AJAP1: variants seen among roughly 807,000 people sequenced by gnomAD.
The protein encoded by AJAP1 is adherens junctions associated protein 1.
A neutral mutation model predicts 35.0 loss-of-function variants in AJAP1; 5 were observed. The ratio of observed to expected loss-of-function variants is 0.14; its 90% CI spans 0.07 to 0.30. The LOEUF is 0.30. Ranked by LOEUF, AJAP1 falls within the 10% of genes least tolerant of loss-of-function variation. The pLI is 1.00. For missense variants in AJAP1, 586 were observed against 571.0 expected, an observed-to-expected ratio of 1.03 and a Z score of -0.27; for synonymous variants, 284 against 249.3, an observed-to-expected ratio of 1.14 and a Z score of -1.31.
chr1:4,756,363 T>C (rs1185742467), intron 2 of AJAP1, among the ~76,000 whole-genome samples: 4 of 152,190 alleles, frequency 2.6e-5, no homozygotes, highest in Non-Finnish European at 4.4e-5. Flanking sequence ...TCAGGGTGCC[T>C]GGGCCAGGTG....
At chr1:4,687,232 G>A (rs1399858482) in intron 1 of AJAP1, among the ~76,000 whole-genome samples, 1 of 152,210 alleles carries the variant, frequency 6.6e-6, no homozygotes, top group Non-Finnish European at 1.5e-5. Flanking sequence ...CCTCTCGAAA[G>A]CCACCATGGG....
rs1281325194 is a variant in AJAP1, at chr1:4,785,033, CG to C, written c.*2554del. The C allele has an allele frequency of 2.0e-5, 3 of 152,260 alleles. No homozygotes were observed. Among genetic ancestry groups the C allele is most frequent in the Non-Finnish European group, 2.9e-5 (2 of 68,120 alleles). 9.4% of individuals were successfully genotyped at this position (152,260 alleles called of 1,614,324 possible). A position where few individuals can be genotyped will look rare whatever the true frequency, so the allele number is the denominator to read the frequency against. On this transcript the variant is annotated 3_prime_UTR_variant, in exon 6 of 6. Transcript: ENST00000378191. Reference sequence around the variant, plus strand: ...GCCCAACTAAGGAGGAGGTGACGGCCGGGGGGCCCTGTTGGTTCGCTGATCA... The same window carrying C: ...GCCCAACTAAGGAGGAGGTGACGGCCGGGGGCCCTGTTGGTTCGCTGATCA...
chr1:4,766,659 C>A (rs146490384), intron 2 of AJAP1, among the ~76,000 whole-genome samples: 1 of 152,136 alleles, frequency 6.6e-6, no homozygotes, highest in South Asian at 2.1e-4. Flanking sequence ...TTGAAGCACA[C>A]GGCTGTTTAC....
At position 4,655,393 on chromosome 1, in the gene AJAP1, C is replaced by A. The variant is rs772469710; in HGVS notation, c.-33C>A. 7.1e-6 allele frequency: 11 copies of A among 1,545,576 alleles called. No homozygotes were observed. The highest frequency in any genetic ancestry group is 8.7e-6 in the Non-Finnish European group (10 of 1,145,470). ...CGCCGCGCAGATGGCCTGGGCGAGC[C>A]AGGTCTGAGGCCCCGCTCCCCGAAA... On this transcript the variant is annotated 5_prime_UTR_variant, in exon 1 of 6. Transcript: ENST00000378191. This position sits in a 1 kb window ranked among gnomAD's most constrained non-coding sequence, Gnocchi z 6.9.
Position 4,655,483 on chromosome 1 carries a change from T to C in AJAP1, c.29+29T>C. On this transcript the variant is annotated intron_variant, in intron 1 of 5. Coordinates refer to ENST00000378191, the MANE Select transcript of AJAP1 (RefSeq NM_018836.4). The surrounding 1 kb of genome is among the most constrained non-coding windows in gnomAD (Gnocchi z 6.9). ...AGCGACCCGGCCGGCGCCGGGTGCG[T>C]GTGGGCGCGTGGGTGCCAGGCTGGG... The C allele has an allele frequency of 6.4e-7, 1 of 1,562,028 alleles. No homozygotes were observed. The highest frequency in any genetic ancestry group is 8.7e-7 in the Non-Finnish European group (1 of 1,152,870).
chr1:4,752,839 A>C (rs1570196163), intron 2 of AJAP1, among the ~76,000 whole-genome samples: 1 of 152,262 alleles, frequency 6.6e-6, no homozygotes, highest in Admixed American at 6.5e-5. Flanking sequence ...AATTCAAAGC[A>C]TAAGACAAAG....
At chr1:4,737,312 A>G (rs968644902) in intron 2 of AJAP1, among the ~76,000 whole-genome samples, 12 of 152,032 alleles carry the variant, frequency 7.9e-5, no homozygotes, top group African/African-American at 2.9e-4. Flanking sequence ...TCCCTGGACA[A>G]GCCCCCGTCA....
At chr1:4,735,361 C>G (rs1444395229) in intron 2 of AJAP1, among the ~76,000 whole-genome samples, 1 of 152,176 alleles carries the variant, frequency 6.6e-6, no homozygotes, top group Non-Finnish European at 1.5e-5. Context: ...CGATGTGCAT[C>G]AGTGGGGTGA....
At chr1:4,731,486 C>G (rs961481221) in intron 2 of AJAP1, among the ~76,000 whole-genome samples, 1 of 152,236 alleles carries the variant, frequency 6.6e-6, no homozygotes, top group Non-Finnish European at 1.5e-5. Flanking sequence ...CTTTGCCTTT[C>G]TAGTGGTCCC....
intron 1 of AJAP1, among the ~76,000 whole-genome samples, chr1:4,708,809 T>G (rs1640157991): frequency 6.6e-6 from 1 of 150,520 alleles, no homozygotes; most frequent in African/African-American, 2.4e-5. Flanking sequence ...TGGGAGGGGC[T>G]TTCCCCCTGC....
At chr1:4,671,450 C>A (rs1639246957) in intron 1 of AJAP1, among the ~76,000 whole-genome samples, 1 of 151,816 alleles carries the variant, frequency 6.6e-6, no homozygotes, top group Non-Finnish European at 1.5e-5. Context: ...GCATCCATTA[C>A]CTCCCTTTGT....
intron 2 of AJAP1, among the ~76,000 whole-genome samples, chr1:4,733,406 T>C (rs1209789612): frequency 1.3e-5 from 2 of 148,462 alleles, no homozygotes; most frequent in African/African-American, 5.0e-5. Flanking sequence ...TCTCATTCGC[T>C]TGTTCACCTG....
At chr1:4,695,991 G>A (rs1437960567) in intron 1 of AJAP1, among the ~76,000 whole-genome samples, 2 of 152,148 alleles carry the variant, frequency 1.3e-5, no homozygotes, top group Admixed American at 1.3e-4. Context: ...GGCCATTTGT[G>A]TCTGGGGGGA....
chr1:4,665,888 A>T (rs1052931525), intron 1 of AJAP1, among the ~76,000 whole-genome samples: 1 of 152,234 alleles, frequency 6.6e-6, no homozygotes, highest in Admixed American at 6.5e-5. Flanking sequence ...GAAGAAGGAG[A>T]TGGGGAAGGT....
At chr1:4,749,773 G>T (rs1641281146) in intron 2 of AJAP1, among the ~76,000 whole-genome samples, 1 of 152,088 alleles carries the variant, frequency 6.6e-6, no homozygotes, top group Non-Finnish European at 1.5e-5. Flanking sequence ...GGCACAGCTT[G>T]TGCCTTTAAG....
At chr1:4,712,944 C>T (rs932626974) in intron 2 of AJAP1, among the ~76,000 whole-genome samples, 1 of 152,148 alleles carries the variant, frequency 6.6e-6, no homozygotes, top group Non-Finnish European at 1.5e-5. Flanking sequence ...GGCGCTGCAC[C>T]CCTTGTGCCT....
rs1236069274 is a variant in AJAP1, at chr1:4,742,086, G to A, written c.830-27767G>A. 3.6e-5 allele frequency among the ~76,000 whole-genome samples: 5 copies of A among 137,220 alleles called. No individual in the cohort carries two copies. In the East Asian group the frequency reaches 5.8e-4, roughly 16 times the overall value. 90.0% of individuals were successfully genotyped at this position (137,220 alleles called of 152,430 possible). A position where few individuals can be genotyped will look rare whatever the true frequency, so the allele number is the denominator to read the frequency against. The stretch of plus-strand genomic sequence containing the variant: ...TGATTAATTCAGGCAAGAGACATTA[G>A]TGAGTTTTAAAGAGTGGGTGAACGT... On this transcript the variant is annotated intron_variant, in intron 2 of 5. Transcript: ENST00000378191.
rs1266966758 is a variant in AJAP1, at chr1:4,782,998, T to G, written c.*513T>G. On this transcript the variant is annotated 3_prime_UTR_variant, in exon 6 of 6. Coordinates refer to ENST00000378191, the MANE Select transcript of AJAP1 (RefSeq NM_018836.4). The surrounding 1 kb of genome is among the most constrained non-coding windows in gnomAD (Gnocchi z 5.3). ...TGGGAATCTCTTCCGATAGAGTCGC[T>G]ATTTCTGGTTAATATACATATATAA... The G allele has an allele frequency of 2.5e-6, 1 of 395,892 alleles. No homozygotes were observed. The highest frequency in any genetic ancestry group is 4.4e-6 in the Non-Finnish European group (1 of 225,124). The allele number at this position is 395,892 out of a possible 1,614,324, so 24.5% of individuals were successfully genotyped here. A position where few individuals can be genotyped will look rare whatever the true frequency, so the allele number is the denominator to read the frequency against.
chr1:4,700,259 G>T (rs1183327770), intron 1 of AJAP1, among the ~76,000 whole-genome samples: 2 of 152,134 alleles, frequency 1.3e-5, no homozygotes, highest in African/African-American at 4.8e-5. Context: ...TGGCCATAAA[G>T]TAGGATCAAA....
Sources: gnomAD v4.1 joint callset for allele counts (sites outside exome capture counted in the v4.1 genomes callset) on GRCh38, gnomAD v4.1.1 for gene constraint, Gnocchi (gnomAD v3.1) non-coding constraint, MANE v1.5 for transcripts, NCBI Gene and HGNC (gene_info 2026-07-23, HGNC 2026-07-21) for gene names.